Variants in INVS observed in about 807,000 individuals in gnomAD.
INVS encodes inversion of embryo turning homolog.
A neutral mutation model predicts 108.8 loss-of-function variants in INVS; 86 were observed. The observed-to-expected ratio is 0.79, with a 90% CI of 0.66 to 0.95. The LOEUF is 0.95. INVS is among the 40% of genes least tolerant of loss of function. INVS has a pLI of 0.00. For missense variants in INVS, 1,169 were observed against 1,297.4 expected, an observed-to-expected ratio of 0.90 and a Z score of 1.52; for synonymous variants, 455 against 473.5, an observed-to-expected ratio of 0.96 and a Z score of 0.51.
At chr9:100,219,883 T>C (rs1317989340) in intron 3 of INVS, among the ~76,000 whole-genome samples, 1 of 103,926 alleles carries the variant, frequency 9.6e-6, no homozygotes. Context: ...CGTTTATGGA[T>C]ATATATATAT....
chr9:100,249,634 A>G (rs1325930539), intron 8 of INVS, among the ~76,000 whole-genome samples: 1 of 151,844 alleles, frequency 6.6e-6, no homozygotes, highest in Non-Finnish European at 1.5e-5. Context: ...AGCTGGGACT[A>G]CAGGTGCCCA....
intron 5 of INVS, 81 bp downstream of exon 5, chr9:100,229,908 A>T: frequency 1.5e-6 from 2 of 1,354,462 alleles, no homozygotes; most frequent in Non-Finnish European, 2.1e-6. Context: ...AAAAGTGTAT[A>T]TTTGACGTAC....
chr9:100,277,011 C>T (rs1833134133), intron 12 of INVS, among the ~76,000 whole-genome samples: 1 of 152,184 alleles, frequency 6.6e-6, no homozygotes, highest in Admixed American at 6.5e-5. Context: ...CTAAGAGTTT[C>T]ATCGTCACGT....
intron 3 of INVS, chr9:100,130,718 A>G (rs1158567734): frequency 1.3e-5 from 2 of 152,166 alleles, no homozygotes; most frequent in Non-Finnish European, 1.5e-5. Context: ...TTATGTAATC[A>G]TGAACACTCA....
chr9:100,221,661 G>C (rs963134849), intron 3 of INVS, among the ~76,000 whole-genome samples: 5 of 151,336 alleles, frequency 3.3e-5, no homozygotes, highest in African/African-American at 1.2e-4. Flanking sequence ...TTATCTGTAG[G>C]CAGAATATAG....
intron 3 of INVS, among the ~76,000 whole-genome samples, chr9:100,148,366 A>G (rs1321028985): frequency 6.6e-6 from 1 of 152,178 alleles, no homozygotes; most frequent in Non-Finnish European, 1.5e-5. Context: ...AATGCATTTT[A>G]TGCAAAAATT....
At chr9:100,142,321 G>A (rs1245536481) in intron 3 of INVS, among the ~76,000 whole-genome samples, 2 of 152,138 alleles carry the variant, frequency 1.3e-5, no homozygotes, top group African/African-American at 2.4e-5. Flanking sequence ...CAACTAGTTC[G>A]GCTTGCTGAG....
Position 100,300,597 on chromosome 9 carries a change from G to A in INVS, c.3121G>A (p.Glu1041Lys). The A allele has an allele frequency of 1.9e-6, 3 of 1,613,522 alleles. No individual in the cohort carries two copies. Among genetic ancestry groups the A allele is most frequent in the Non-Finnish European group, 2.5e-6 (3 of 1,179,514 alleles). ...CAACCTACAGTGTATACATCTCCTT[G>A]AGAACAGTGGAAGATCAAAGAACTT... is the stretch of plus-strand genomic sequence containing the variant. ...VSNLQCIHLL[E>K]NSGRSKNFSY... is the part of the protein sequence containing the mutation. The change falls in exon 17 of 17, where the codon GAG (glutamate) becomes AAG (lysine). Residue 1041 changes from glutamate to lysine, a missense_variant. By Grantham distance (56) the Glu-to-Lys change is moderately conservative (BLOSUM62 1). Around this residue, in one of 3 missense-constraint regions of INVS, gnomAD observed 533 missense variants for 536.0 expected, o/e 0.99. Transcript: ENST00000262457.
Position 100,187,525 on chromosome 9 carries a change from C to CTTTTTTTTTTTTTTTTTTTTT in INVS, c.274-38518_274-38517insTTTTTTTTTTTTTTTTTTTTT, listed in dbSNP as rs34728274. On this transcript the variant is annotated intron_variant, in intron 3 of 16. Transcript: ENST00000262457. ...CATTTGTTTGTATCATCTATGATTTCTTTTTTTTTTTTTTTTTTTGAGACA... is the reference window on the plus strand; with the variant it reads ...CATTTGTTTGTATCATCTATGATTTCTTTTTTTTTTTTTTTTTTTTTTTTTTTTTTTTTTTTTTTTGAGACA... Among the ~76,000 whole-genome samples the CTTTTTTTTTTTTTTTTTTTTT allele has an allele frequency of 2.4e-4, 25 of 105,536 alleles. 3 individuals are homozygous for CTTTTTTTTTTTTTTTTTTTTT. Among genetic ancestry groups the CTTTTTTTTTTTTTTTTTTTTT allele is most frequent in the African/African-American group, 5.3e-4 (12 of 22,736 alleles). The allele number at this position is 105,536 out of a possible 152,430, so 69.2% of individuals were successfully genotyped here. A position where few individuals can be genotyped will look rare whatever the true frequency, so the allele number is the denominator to read the frequency against.
chr9:100,194,776 G>A (rs1830323868), intron 3 of INVS, among the ~76,000 whole-genome samples: 1 of 152,150 alleles, frequency 6.6e-6, no homozygotes, highest in Admixed American at 6.6e-5. Context: ...TACCTCTGAG[G>A]CTTAGGGAGA....
intron 2 of INVS, among the ~76,000 whole-genome samples, chr9:100,107,787 C>A (rs1242045402): frequency 6.6e-6 from 1 of 152,204 alleles, no homozygotes; most frequent in Non-Finnish European, 1.5e-5. Context: ...TAACATCTCT[C>A]TCCTCCATAA....
At chr9:100,100,723 TAC>T (rs1423428754) in intron 1 of INVS, among the ~76,000 whole-genome samples, 3 of 20,158 alleles carry the variant, frequency 1.5e-4, no homozygotes, top group African/African-American at 4.9e-4. Context: ...ATATTATATG[TAC>T]ATATAATATA....
At chr9:100,179,139 CACTA>C (rs1829804899) in intron 3 of INVS, among the ~76,000 whole-genome samples, 1 of 152,076 alleles carries the variant, frequency 6.6e-6, no homozygotes, top group Non-Finnish European at 1.5e-5. Flanking sequence ...CTGAAGGAGG[CACTA>C]ACTATGGAAA....
intron 3 of INVS, among the ~76,000 whole-genome samples, chr9:100,146,198 C>T (rs546741818): frequency 6.6e-6 from 1 of 152,118 alleles, no homozygotes; most frequent in African/African-American, 2.4e-5. Context: ...TGCAGGCGGG[C>T]TGAGTCTGAA....
chr9:100,101,009 A>G (rs1826963566), intron 1 of INVS, among the ~76,000 whole-genome samples: 1 of 95,698 alleles, frequency 1.0e-5, no homozygotes, highest in Non-Finnish European at 1.9e-5. Context: ...TAATATATAT[A>G]TTATATGTAT....
At chr9:100,280,497 G>GAA (rs529897865) in intron 12 of INVS, among the ~76,000 whole-genome samples, 1 of 147,118 alleles carries the variant, frequency 6.8e-6, no homozygotes, top group Admixed American at 6.8e-5. Flanking sequence ...TAGTAGGTAG[G>GAA]AAAAAAAAAA....
chr9:100,176,604 G>C (rs184739313), intron 3 of INVS, among the ~76,000 whole-genome samples: 1 of 152,026 alleles, frequency 6.6e-6, no homozygotes, highest in African/African-American at 2.4e-5. Context: ...AGCCTCCCAA[G>C]TAGCTAGGAT....
chr9:100,271,420 A>G lies in INVS; in HGVS notation c.1572-1444A>G, dbSNP rs142770248. Among the ~76,000 whole-genome samples, 741 of 152,304 alleles carry G rather than the reference A, an allele frequency of 4.9e-3. 5 individuals carry two copies. Among genetic ancestry groups the G allele is most frequent in the African/African-American group, 0.016 (653 of 41,554 alleles). On this transcript the variant is annotated intron_variant, in intron 11 of 16. Transcript: ENST00000262457. ...GTTGATAGACATTGAGGTTGTTTCT[A>G]TTCTTTTGCTATGACTAGCTGTACT...
At chr9:100,270,748 CAAAAAA>C (rs746291227) in intron 11 of INVS, among the ~76,000 whole-genome samples, 11 of 47,210 alleles carry the variant, frequency 2.3e-4, no homozygotes, top group Non-Finnish European at 3.2e-4. Flanking sequence ...AACTCCATCT[CAAAAAA>C]AAAAAAAAAA....
Sources: allele counts gnomAD v4.1 joint callset (sites outside exome capture counted in the v4.1 genomes callset), GRCh38; gene constraint gnomAD v4.1.1; regional missense constraint gnomAD v4.1.1; transcripts MANE v1.5; gene names NCBI Gene and HGNC (gene_info 2026-07-23, HGNC 2026-07-21).